SNTG1: variants seen among roughly 807,000 people sequenced by gnomAD.
SNTG1 encodes syntrophin gamma 1, also known as gamma-1-syntrophin.
A neutral mutation model predicts 74.7 loss-of-function variants in SNTG1; 39 were observed. The observed-to-expected ratio is 0.52, with a 90% CI of 0.40 to 0.68. The LOEUF (loss-of-function observed/expected upper bound fraction) is 0.68. Among genes scored for constraint, SNTG1 ranks in the 30% least tolerant of loss-of-function variants. The pLI is 0.00. For synonymous variants in SNTG1, 254 were observed against 217.1 expected (o/e 1.17, Z -1.49); for missense variants, 685 against 609.5 (o/e 1.12, Z -1.30).
At chr8:49,985,492 G>A (rs1038099788) in intron 1 of SNTG1, among the ~76,000 whole-genome samples, 14 of 152,086 alleles carry the variant, frequency 9.2e-5, no homozygotes, top group Non-Finnish European at 1.5e-4. Context: ...CTCTGGAGAG[G>A]ATATTAACAA....
intron 2 of SNTG1, among the ~76,000 whole-genome samples, chr8:50,325,497 T>C (rs965813755): frequency 6.6e-6 from 1 of 152,070 alleles, no homozygotes; most frequent in Non-Finnish European, 1.5e-5. Flanking sequence ...TATTGCATCT[T>C]TAATTTCAAA....
chr8:50,340,772 T>C (rs1323501056), intron 2 of SNTG1, among the ~76,000 whole-genome samples: 2 of 151,946 alleles, frequency 1.3e-5, no homozygotes, highest in African/African-American at 4.8e-5. Flanking sequence ...CTCACTAATC[T>C]ATTGATTAAA....
chr8:50,410,908 T>C (rs974434167), intron 4 of SNTG1, among the ~76,000 whole-genome samples: 2 of 152,194 alleles, frequency 1.3e-5, no homozygotes, highest in Non-Finnish European at 2.9e-5. Flanking sequence ...CATCTGTTGA[T>C]AGACACTTAG....
chr8:50,165,964 C>T (rs1486052541), intron 1 of SNTG1, among the ~76,000 whole-genome samples: 1 of 144,780 alleles, frequency 6.9e-6, no homozygotes, highest in Admixed American at 7.1e-5. Context: ...AGAAATAATG[C>T]CGCATATCTA....
At chr8:50,457,968 T>G (rs971467146) in intron 8 of SNTG1, 1 of 152,218 alleles carries the variant, frequency 6.6e-6, no homozygotes, top group Non-Finnish European at 1.5e-5. Context: ...AGGATTCTTT[T>G]TTAGTGAAAT....
chr8:49,978,399 G>A (rs917880510), intron 1 of SNTG1, among the ~76,000 whole-genome samples: 5 of 152,118 alleles, frequency 3.3e-5, no homozygotes, highest in African/African-American at 9.7e-5. Context: ...AAATGAAAAT[G>A]CAGCCAAGGC....
At position 50,532,560 on chromosome 8, in the gene SNTG1, T is replaced by C. The variant is rs188306347; in HGVS notation, c.549+2301T>C. On this transcript the variant is annotated intron_variant, in intron 10 of 18. Coordinates refer to ENST00000642720, the MANE Select transcript of SNTG1 (RefSeq NM_018967.5). ...GACTACAAACCAAGTGTGTGCTTTGTTGCTCGCACGGGAGCATTAACCTGC... is the reference window on the plus strand; with the variant it reads ...GACTACAAACCAAGTGTGTGCTTTGCTGCTCGCACGGGAGCATTAACCTGC... 3.7e-3 allele frequency among the ~76,000 whole-genome samples: 564 copies of C among 152,338 alleles called. 6 individuals are homozygous for C. Among genetic ancestry groups the C allele is most frequent in the African/African-American group, 0.012 (508 of 41,592 alleles).
chr8:49,979,068 G>A (rs1812434807), intron 1 of SNTG1, among the ~76,000 whole-genome samples: 1 of 152,288 alleles, frequency 6.6e-6, no homozygotes, highest in East Asian at 1.9e-4. Context: ...ATTCTATTTC[G>A]GTACATTAAA....
chr8:50,293,534 C>T (rs569828368), intron 2 of SNTG1, among the ~76,000 whole-genome samples: 48 of 151,958 alleles, frequency 3.2e-4, no homozygotes, highest in Admixed American at 2.6e-3. Flanking sequence ...CTCAGCCTCC[C>T]GAGTGGCTGG....
intron 15 of SNTG1, among the ~76,000 whole-genome samples, chr8:50,678,080 A>G (rs2095316221): frequency 6.6e-6 from 1 of 151,962 alleles, no homozygotes; most frequent in Non-Finnish European, 1.5e-5. Context: ...CTTTCTGCAC[A>G]TGTATCCCGG....
At chr8:50,731,998 T>C (rs1409389569) in intron 17 of SNTG1, among the ~76,000 whole-genome samples, 2 of 152,064 alleles carry the variant, frequency 1.3e-5, no homozygotes, top group Non-Finnish European at 2.9e-5. Flanking sequence ...AGTCCTTCAG[T>C]TAAGTATATT....
chr8:50,047,970 G>A (rs556476481), intron 1 of SNTG1, among the ~76,000 whole-genome samples: 24 of 152,118 alleles, frequency 1.6e-4, no homozygotes, highest in African/African-American at 5.5e-4. Context: ...CTAATTTCAA[G>A]GTATTTTTCA....
chr8:50,104,285 C>G (rs1173613414), intron 1 of SNTG1, among the ~76,000 whole-genome samples: 1 of 152,096 alleles, frequency 6.6e-6, no homozygotes, highest in Admixed American at 6.6e-5. Context: ...CTGGTTTAGT[C>G]TTGGGAGGGT....
intron 13 of SNTG1, among the ~76,000 whole-genome samples, chr8:50,646,831 C>T (rs1158209821): frequency 1.3e-5 from 2 of 151,962 alleles, no homozygotes; most frequent in Non-Finnish European, 1.5e-5. Flanking sequence ...TATAAAGTGA[C>T]AGTAATCAAG....
At chr8:50,511,694 T>C (rs1396588019) in intron 9 of SNTG1, among the ~76,000 whole-genome samples, 1 of 152,226 alleles carries the variant, frequency 6.6e-6, no homozygotes, top group Non-Finnish European at 1.5e-5. Flanking sequence ...TCTTTTCATC[T>C]TTGTTGGTTT....
At chr8:50,025,259 A>G (rs1817167699) in intron 1 of SNTG1, among the ~76,000 whole-genome samples, 1 of 152,186 alleles carries the variant, frequency 6.6e-6, no homozygotes, top group Admixed American at 6.5e-5. Context: ...GTATATATTC[A>G]TTAATTTTAG....
rs550250009 is a variant in SNTG1, at chr8:50,396,718, T to G, written c.27+2453T>G. On this transcript the variant is annotated intron_variant, in intron 3 of 18. Coordinates refer to ENST00000642720, the MANE Select transcript of SNTG1 (RefSeq NM_018967.5). ...GAGTATATTTCAAAATTAATAGACC[T>G]TAAATTTTAAAGTTTCATGAAAATA... Among the ~76,000 whole-genome samples, 20 of 152,352 alleles carry G rather than the reference T, an allele frequency of 1.3e-4. No individual in the cohort carries two copies. The East Asian group carries it at 3.9e-3, about 29-fold the overall frequency.
chr8:50,709,279 AGGG>A (rs1246206212), intron 17 of SNTG1: 4 of 374,774 alleles, frequency 1.1e-5, no homozygotes, highest in African/African-American at 8.3e-5. Flanking sequence ...TTATAATTGA[AGGG>A]ACATTTTCTT....
At chr8:50,655,607 G>A (rs1444187865) in intron 13 of SNTG1, among the ~76,000 whole-genome samples, 1 of 152,118 alleles carries the variant, frequency 6.6e-6, no homozygotes, top group Non-Finnish European at 1.5e-5. Context: ...GGACTTTATA[G>A]CTCATAGGCT....
Sources: allele counts gnomAD v4.1 joint callset (sites outside exome capture counted in the v4.1 genomes callset), GRCh38; gene constraint gnomAD v4.1.1; transcripts MANE v1.5; gene names NCBI Gene and HGNC (gene_info 2026-07-23, HGNC 2026-07-21).